GRM8: variants seen among roughly 807,000 people sequenced by gnomAD.
GRM8 encodes the protein metabotropic glutamate receptor 8.
Under a neutral mutation model 87.2 loss-of-function variants are expected in GRM8, and 47 were observed. That is an observed-to-expected ratio of 0.54 (90% CI 0.43 to 0.69). The LOEUF is 0.69. Ranked by LOEUF, GRM8 falls within the 30% of genes least tolerant of loss-of-function variation. The pLI, the probability that GRM8 is intolerant of heterozygous loss-of-function variation, is 0.00. For synonymous variants in GRM8, 396 were observed against 404.5 expected, an observed-to-expected ratio of 0.98 and a Z score of 0.25; for missense variants, 1,019 against 1,139.2, an observed-to-expected ratio of 0.89 and a Z score of 1.52.
chr7:126,893,173 A>T (rs1227705956), intron 6 of GRM8, among the ~76,000 whole-genome samples: 5 of 152,030 alleles, frequency 3.3e-5, no homozygotes, highest in Non-Finnish European at 7.4e-5. Context: ...TTTTTAGAAA[A>T]ACAAAACACT....
At chr7:126,541,609 A>G (rs2283067) in intron 8 of GRM8, among the ~76,000 whole-genome samples, 55,637 of 152,094 alleles carry the variant, frequency 0.37, 10,334 homozygotes, top group Middle Eastern at 0.42. Context: ...AGAGAAGTCA[A>G]TCACGCTGAG....
intron 7 of GRM8, among the ~76,000 whole-genome samples, chr7:126,722,520 A>G (rs1280494979): frequency 1.3e-5 from 2 of 152,154 alleles, no homozygotes; most frequent in Non-Finnish European, 2.9e-5. Context: ...ATCTTTCTAA[A>G]AAACAAACTA....
chr7:126,543,141 T>C (rs1212710140), intron 8 of GRM8, among the ~76,000 whole-genome samples: 4 of 152,362 alleles, frequency 2.6e-5, no homozygotes, highest in Non-Finnish European at 5.9e-5. Flanking sequence ...TTAGCAATCC[T>C]CCTTAGTCCT....
chr7:127,037,219 C>G (rs544997486), intron 3 of GRM8, among the ~76,000 whole-genome samples: 5 of 152,204 alleles, frequency 3.3e-5, no homozygotes, highest in African/African-American at 1.2e-4. Context: ...AATATACAAC[C>G]CTATCAAAAA....
chr7:126,504,333 A>T (rs990925279), intron 9 of GRM8, among the ~76,000 whole-genome samples: 7 of 152,100 alleles, frequency 4.6e-5, no homozygotes, highest in African/African-American at 1.7e-4. Flanking sequence ...TCCTATTCTC[A>T]TATTAATTCA....
chr7:127,157,737 A>G (rs1473867345), intron 2 of GRM8, among the ~76,000 whole-genome samples: 1 of 152,214 alleles, frequency 6.6e-6, no homozygotes, highest in African/African-American at 2.4e-5. Context: ...TACATGGATA[A>G]AAGTAGAAAA....
At position 126,850,480 on chromosome 7, in the gene GRM8, C is replaced by G. The variant is rs758668516; in HGVS notation, c.1156+52062G>C. Reference sequence around the variant, plus strand: ...TTATTACTCACTACAACAGGGAGAACACATACTCATACATAGGTAACCATG... The same window carrying G: ...TTATTACTCACTACAACAGGGAGAAGACATACTCATACATAGGTAACCATG... On this transcript the variant is annotated intron_variant, in intron 6 of 10. Transcript: ENST00000339582. 5.7e-4 allele frequency among the ~76,000 whole-genome samples: 86 copies of G among 152,136 alleles called. 1 individual carries two copies. The highest frequency in any genetic ancestry group is 1.8e-4 in the Non-Finnish European group (12 of 68,034).
At chr7:127,141,507 T>G (rs932766927) in intron 2 of GRM8, among the ~76,000 whole-genome samples, 3 of 152,128 alleles carry the variant, frequency 2.0e-5, no homozygotes, top group African/African-American at 7.2e-5. Context: ...AACCTAACAT[T>G]TGAATACATT....
intron 3 of GRM8, among the ~76,000 whole-genome samples, chr7:126,963,979 T>C (rs1330737654): frequency 6.6e-6 from 1 of 151,958 alleles, no homozygotes; most frequent in Non-Finnish European, 1.5e-5. Flanking sequence ...TATAGACCAA[T>C]GGAACAGTAC....
intron 10 of GRM8, among the ~76,000 whole-genome samples, chr7:126,442,004 GAAA>G (rs35430032): frequency 2.1e-4 from 31 of 151,042 alleles, no homozygotes; most frequent in Middle Eastern, 6.8e-3. Context: ...CAAAATGCGT[GAAA>G]AAAAAAAAAT....
chr7:126,807,573 G>C (rs4731331), intron 6 of GRM8, among the ~76,000 whole-genome samples: 70,806 of 151,696 alleles, frequency 0.47, 17,057 homozygotes, highest in African/African-American at 0.53. Flanking sequence ...TTTCCCTTTT[G>C]CCTCTTCCCC....
intron 2 of GRM8, among the ~76,000 whole-genome samples, chr7:127,170,517 T>C (rs1361210087): frequency 2.0e-5 from 3 of 152,144 alleles, no homozygotes; most frequent in Non-Finnish European, 4.4e-5. Flanking sequence ...AAGAAGTCAT[T>C]ACATAAAAAA....
chr7:126,567,035 T>C (rs1192747053), intron 8 of GRM8, among the ~76,000 whole-genome samples: 1 of 152,076 alleles, frequency 6.6e-6, no homozygotes, highest in Admixed American at 6.6e-5. Flanking sequence ...TCGAATCATA[T>C]AATAATCAAA....
intron 3 of GRM8, among the ~76,000 whole-genome samples, chr7:127,062,982 G>A (rs548052134): frequency 6.6e-6 from 1 of 152,132 alleles, no homozygotes; most frequent in East Asian, 1.9e-4. Context: ...GCTGGGTGTG[G>A]TGGCTCACAC....
At chr7:126,548,871 A>C (rs1045002055) in intron 8 of GRM8, among the ~76,000 whole-genome samples, 1 of 152,218 alleles carries the variant, frequency 6.6e-6, no homozygotes, top group Non-Finnish European at 1.5e-5. Flanking sequence ...AGTGGGACCA[A>C]TGGACTTTCA....
At chr7:127,060,664 A>T (rs1321067538) in intron 3 of GRM8, among the ~76,000 whole-genome samples, 1 of 152,238 alleles carries the variant, frequency 6.6e-6, no homozygotes. Context: ...TTTAAGAATT[A>T]TAAGTATGGC....
chr7:126,468,806 C>T (rs1476583697), intron 9 of GRM8, among the ~76,000 whole-genome samples: 6 of 152,100 alleles, frequency 3.9e-5, no homozygotes, highest in East Asian at 1.9e-4. Flanking sequence ...AACGATAAGC[C>T]TCAAGTGAAT....
At chr7:126,644,569 G>A (rs113852401) in intron 7 of GRM8, among the ~76,000 whole-genome samples, 94 of 152,230 alleles carry the variant, frequency 6.2e-4, no homozygotes, top group Admixed American at 1.2e-3. Flanking sequence ...TGTATAGCTC[G>A]CACTTCACTT....
At chr7:127,058,114 G>T in intron 3 of GRM8, 1 of 515,436 alleles carries the variant, frequency 1.9e-6, no homozygotes, top group Non-Finnish European at 4.0e-6. Context: ...TCATGATGTT[G>T]CGTCACCACG....
Sources: gnomAD v4.1 joint callset for allele counts (sites outside exome capture counted in the v4.1 genomes callset) on GRCh38, gnomAD v4.1.1 for gene constraint, MANE v1.5 for transcripts, NCBI Gene and HGNC (gene_info 2026-07-23, HGNC 2026-07-21) for gene names.